Variants in DNAH6 observed in about 807,000 individuals in gnomAD.
DNAH6 encodes the protein dynein axonemal heavy chain 6.
Under a neutral mutation model 491.4 loss-of-function variants are expected in DNAH6, and 340 were observed. The observed-to-expected ratio is 0.69, with a 90% CI of 0.63 to 0.76. The LOEUF (loss-of-function observed/expected upper bound fraction) is 0.76, where lower values mean the gene tolerates loss of function less well. Among genes scored for constraint, DNAH6 ranks in the 30% least tolerant of loss-of-function variants. DNAH6 has a pLI of 0.00. For synonymous variants in DNAH6, 1,603 were observed against 1,686.1 expected (o/e 0.95, Z 1.21); for missense variants, 4,443 against 4,972.2 (o/e 0.89, Z 3.20).
In DNAH6 at chr2:84,697,695, G is replaced by T. The variant is rs1008910496; in HGVS notation, c.7645G>T (p.Glu2549Ter). The change falls in exon 47 of 77, where the codon GAA (glutamate) becomes TAA (stop). Residue 2549 changes from glutamate (E) to a stop codon, truncating the protein, a stop_gained. Transcript: ENST00000389394. LOFTEE classifies it high-confidence loss of function. Reference sequence around the variant, plus strand: ...AGCGGCCACCAGACCAAGAGCAAAAGAAGTAGGAATTTCTGAGGGGAACAG... The same window carrying T: ...AGCGGCCACCAGACCAAGAGCAAAATAAGTAGGAATTTCTGAGGGGAACAG... ...VLAATRPRAK[E>*]VGISEGNRDE... 4 of 1,551,782 alleles carry T rather than the reference G, an allele frequency of 2.6e-6. No individual in the cohort carries two copies. The highest frequency in any genetic ancestry group is 3.5e-6 in the Non-Finnish European group (4 of 1,147,022).
intron 23 of DNAH6, among the ~76,000 whole-genome samples, chr2:84,618,057 A>G (rs1438626950): frequency 6.6e-6 from 1 of 152,052 alleles, no homozygotes; most frequent in African/African-American, 2.4e-5. Flanking sequence ...GCCAGAACTG[A>G]AACTGAAATT....
Position 84,584,121 on chromosome 2 carries a change from T to C in DNAH6, c.2352T>C (p.Val784=), listed in dbSNP as rs371239071. Residue 784 remains valine, a synonymous_variant, in exon 15 of 77, where the codon GTT becomes GTC. Coordinates refer to ENST00000389394, the MANE Select transcript of DNAH6 (RefSeq NM_001370.2). The part of the protein sequence containing the change: ...AVFATMKPSI[V]AVRNAIDKSV... ...TTGCAACTATGAAGCCATCCATTGT[T>C]GCTGTTCGGAATGCCATTGATAAAT... The C allele has an allele frequency of 2.0e-5, 33 of 1,614,078 alleles. No homozygotes were observed. The highest frequency in any genetic ancestry group is 2.8e-5 in the Non-Finnish European group (33 of 1,180,036).
intron 35 of DNAH6, among the ~76,000 whole-genome samples, chr2:84,656,004 T>C (rs1053437505): frequency 6.6e-6 from 1 of 152,174 alleles, no homozygotes; most frequent in Admixed American, 6.5e-5. Context: ...CTTTTTACTA[T>C]CTCTGTAGTT....
At chr2:84,570,685 A>C (rs1000738798) in intron 11 of DNAH6, among the ~76,000 whole-genome samples, 5 of 152,122 alleles carry the variant, frequency 3.3e-5, no homozygotes, top group African/African-American at 1.2e-4. Flanking sequence ...GCCCATTAGC[A>C]CTCTGTAAGA....
intron 14 of DNAH6, among the ~76,000 whole-genome samples, chr2:84,581,384 A>G (rs4832095): frequency 0.91 from 138,623 of 152,298 alleles, 63,162 homozygotes; most frequent in East Asian, 0.99. Flanking sequence ...CAGCAAGTTT[A>G]GTGAGCATCA....
intron 75 of DNAH6, 80 bp from the exon 76 acceptor site, chr2:84,815,781 G>T: frequency 2.1e-6 from 2 of 957,746 alleles, no homozygotes; most frequent in South Asian, 1.6e-5. Flanking sequence ...ACCTGGTGAG[G>T]ATGTGGGACA....
At chr2:84,675,929 T>C (rs1308997506) in intron 40 of DNAH6, among the ~76,000 whole-genome samples, 1 of 152,168 alleles carries the variant, frequency 6.6e-6, no homozygotes, top group Non-Finnish European at 1.5e-5. Flanking sequence ...CAAAGTTGCA[T>C]ATTTATTTTT....
the DNAH6 span, among the ~76,000 whole-genome samples, chr2:84,494,552 T>A: frequency 6.6e-6 from 1 of 152,128 alleles, no homozygotes; most frequent in South Asian, 2.1e-4. Context: ...GGGAGAGATT[T>A]AAAGAAGGAA....
chr2:84,796,260 A>G (rs762875821), intron 68 of DNAH6, 46 bp from the exon 69 acceptor site: 16 of 1,318,324 alleles, frequency 1.2e-5, no homozygotes, highest in Admixed American at 3.2e-5. Context: ...ATGCCTATCA[A>G]TTTTTTAAAA....
At chr2:84,553,293 T>C (rs1679588885) in intron 10 of DNAH6, among the ~76,000 whole-genome samples, 1 of 152,120 alleles carries the variant, frequency 6.6e-6, no homozygotes, top group South Asian at 2.1e-4. Flanking sequence ...TAAAAGTGTC[T>C]ATAGGGATCC....
At chr2:84,524,362 C>G (rs1676420960) in intron 2 of DNAH6, among the ~76,000 whole-genome samples, 1 of 151,982 alleles carries the variant, frequency 6.6e-6, no homozygotes, top group Admixed American at 6.6e-5. Flanking sequence ...AGATGGGTCT[C>G]TTTAAGACAG....
intron 4 of DNAH6, among the ~76,000 whole-genome samples, chr2:84,536,198 C>T (rs969915940): frequency 6.6e-6 from 1 of 151,956 alleles, no homozygotes; most frequent in African/African-American, 2.4e-5. Context: ...CATTGGCAAT[C>T]CAAAGGATGA....
chr2:84,603,760 G>A lies in DNAH6; in HGVS notation c.2869-579G>A, dbSNP rs77763594. ...ATATCTTCAATGAGTTATCACTAGT[G>A]CCTTAAGGTGGCACAGTTTGTTACT... On this transcript the variant is annotated intron_variant, in intron 18 of 76. Transcript: ENST00000389394. Among the ~76,000 whole-genome samples the A allele has an allele frequency of 3.9e-5, 6 of 152,254 alleles. No individual in the cohort carries two copies. In the East Asian group the frequency reaches 1.2e-3, roughly 29 times the overall value.
chr2:84,576,142 T>C (rs533290825), intron 12 of DNAH6, among the ~76,000 whole-genome samples: 20 of 152,336 alleles, frequency 1.3e-4, no homozygotes, highest in Non-Finnish European at 2.8e-4. Context: ...CGGGTATCCT[T>C]ACCATACGAC....
intron 72 of DNAH6, among the ~76,000 whole-genome samples, chr2:84,810,704 G>A (rs915849437): frequency 2.6e-5 from 4 of 152,166 alleles, no homozygotes; most frequent in African/African-American, 4.8e-5. Context: ...AGGAGTCTTG[G>A]GGAATGCCAT....
rs1193132425 is a variant in DNAH6 at position 84,676,906 on chromosome 2, T to A, written c.6613-99T>A. 4.5e-6 allele frequency: 6 copies of A among 1,333,808 alleles called. No individual in the cohort carries two copies. The East Asian group carries it at 1.5e-4, about 34-fold the overall frequency. 82.6% of individuals were successfully genotyped at this position (1,333,808 alleles called of 1,614,324 possible). ...GTCATTTAACATGCACAAAAAAAAA[T>A]GTAATGCAATGCTGGCATTTGGGAA... On this transcript the variant is annotated intron_variant, in intron 40 of 76. Transcript: ENST00000389394.
rs1249959305 is a variant in DNAH6 at position 84,605,530 on chromosome 2, G to T, written c.3112G>T (p.Val1038Phe). Reference sequence around the variant, plus strand: ...GGACTCTTGGAAAACAACTGAATTTGTCATTCTGCCTCACCGTGACTCCAA... The same window carrying T: ...GGACTCTTGGAAAACAACTGAATTTTTCATTCTGCCTCACCGTGACTCCAA... ...VEDSWKTTEF[V>F]ILPHRDSKDV... The change falls in exon 20 of 77, where the codon GTC (valine) becomes TTC (phenylalanine). Residue 1038 changes from valine to phenylalanine, a missense_variant. Val to Phe is a conservative substitution (Grantham distance 50, BLOSUM62 -1). Transcript: ENST00000389394. 1 of 1,551,326 alleles carries T rather than the reference G, an allele frequency of 6.4e-7. No homozygotes were observed. Among genetic ancestry groups the T allele is most frequent in the African/African-American group, 1.4e-5 (1 of 72,984 alleles).
intron 60 of DNAH6, among the ~76,000 whole-genome samples, chr2:84,723,047 G>A (rs56156704): frequency 0.053 from 8,055 of 152,070 alleles, 262 homozygotes; most frequent in South Asian, 0.068. Context: ...GGCCAACATG[G>A]AGAAACCCCA....
At chr2:84,553,607 T>G (rs1296223630) in intron 10 of DNAH6, among the ~76,000 whole-genome samples, 2 of 149,046 alleles carry the variant, frequency 1.3e-5, no homozygotes, top group African/African-American at 4.9e-5. Context: ...GGACTACAGG[T>G]GTATGCCACC....
Sources: allele counts gnomAD v4.1 joint callset (sites outside exome capture counted in the v4.1 genomes callset), GRCh38; gene constraint gnomAD v4.1.1; transcripts MANE v1.5; gene names NCBI Gene and HGNC (gene_info 2026-07-23, HGNC 2026-07-21).